TMPRSS11F: variants seen among roughly 807,000 people sequenced by gnomAD.
TMPRSS11F encodes the protein transmembrane serine protease 11F.
In TMPRSS11F, 47 loss-of-function variants were observed where a neutral mutation model predicts 60.2. The ratio of observed to expected loss-of-function variants is 0.78; its 90% CI spans 0.62 to 1.00. The LOEUF (loss-of-function observed/expected upper bound fraction) is 1.00, where lower values mean the gene tolerates loss of function less well. TMPRSS11F is among the 50% of genes least tolerant of loss of function. TMPRSS11F has a pLI of 0.00. For missense variants in TMPRSS11F, 519 were observed against 522.9 expected (o/e 0.99, Z 0.07); for synonymous variants, 166 against 167.3 (o/e 0.99, Z 0.06).
At chr4:68,062,701 C>T (rs374948629) in intron 8 of TMPRSS11F, 48 of 747,318 alleles carry the variant, frequency 6.4e-5, no homozygotes, top group Admixed American at 6.4e-4. Flanking sequence ...ACACAGACAG[C>T]ATGAGTGTCA....
intron 2 of TMPRSS11F, among the ~76,000 whole-genome samples, chr4:68,098,246 A>G (rs1267683339): frequency 1.3e-5 from 2 of 152,158 alleles, no homozygotes; most frequent in African/African-American, 4.8e-5. Flanking sequence ...TGGAGGTTGC[A>G]ATGAGCCGGG....
At chr4:68,090,719 C>T in intron 2 of TMPRSS11F, 78 bp from the exon 3 acceptor site, 1 of 1,519,720 alleles carries the variant, frequency 6.6e-7, no homozygotes, top group Non-Finnish European at 8.8e-7. Flanking sequence ...CCCACACCTG[C>T]TAAATAGGCT....
chr4:68,102,320 C>T (rs1724210035), intron 1 of TMPRSS11F, among the ~76,000 whole-genome samples: 9 of 152,114 alleles, frequency 5.9e-5, no homozygotes, highest in Admixed American at 5.9e-4. Context: ...ATTTCATTTC[C>T]TTTGAGTATA....
At chr4:68,124,356 T>A (rs1724676758) in intron 1 of TMPRSS11F, among the ~76,000 whole-genome samples, 1 of 151,908 alleles carries the variant, frequency 6.6e-6, no homozygotes, top group South Asian at 2.1e-4. Flanking sequence ...TACAAAAATT[T>A]AGCTGTGCGT....
intron 1 of TMPRSS11F, among the ~76,000 whole-genome samples, chr4:68,124,211 ACT>A (rs1724673450): frequency 8.2e-6 from 1 of 122,240 alleles, no homozygotes; most frequent in Non-Finnish European, 1.6e-5. Flanking sequence ...ACAGAGTGAG[ACT>A]CTGTCTTAAA....
At chr4:68,102,529 G>A (rs1372034398) in intron 1 of TMPRSS11F, among the ~76,000 whole-genome samples, 1 of 152,072 alleles carries the variant, frequency 6.6e-6, no homozygotes, top group East Asian at 1.9e-4. Context: ...GTGTGAGGTG[G>A]TATCTCATGT....
intron 3 of TMPRSS11F, chr4:68,077,721 T>A (rs1213475753): frequency 6.6e-6 from 1 of 152,230 alleles, no homozygotes; most frequent in African/African-American, 2.4e-5. Flanking sequence ...GTAACTGAAG[T>A]ACCAGTACGA....
At chr4:68,061,009 C>T (rs1480457724) in intron 8 of TMPRSS11F, among the ~76,000 whole-genome samples, 1 of 151,202 alleles carries the variant, frequency 6.6e-6, no homozygotes, top group Admixed American at 6.6e-5. Context: ...TCTATTTGAA[C>T]TAGAAATGAG....
chr4:68,107,905 C>G (rs962732964), intron 1 of TMPRSS11F, among the ~76,000 whole-genome samples: 1 of 152,048 alleles, frequency 6.6e-6, no homozygotes, highest in Admixed American at 6.5e-5. Context: ...CCGCTGCACT[C>G]CAGCCTGGAG....
chr4:68,058,193 T>A (rs922457431), intron 9 of TMPRSS11F, among the ~76,000 whole-genome samples: 2 of 152,208 alleles, frequency 1.3e-5, no homozygotes, highest in East Asian at 3.8e-4. Context: ...TACTGTATTA[T>A]AGATTTCAAA....
chr4:68,061,834 C>G (rs1723182864), intron 8 of TMPRSS11F: 2 of 433,694 alleles, frequency 4.6e-6, no homozygotes, highest in Non-Finnish European at 9.1e-6. Flanking sequence ...TTGCAAGGGA[C>G]CAGCACAGTG....
chr4:68,078,572 C>T (rs940409782), intron 3 of TMPRSS11F, among the ~76,000 whole-genome samples: 2 of 152,136 alleles, frequency 1.3e-5, no homozygotes, highest in African/African-American at 4.8e-5. Flanking sequence ...AACACACAAG[C>T]CATGTTTGAC....
intron 3 of TMPRSS11F, among the ~76,000 whole-genome samples, chr4:68,083,176 C>T (rs948497550): frequency 6.6e-6 from 1 of 152,190 alleles, no homozygotes; most frequent in Non-Finnish European, 1.5e-5. Flanking sequence ...ACCCCACAAC[C>T]TGCTCTGACT....
chr4:68,092,766 A>G (rs940475880), intron 2 of TMPRSS11F, among the ~76,000 whole-genome samples: 2 of 152,184 alleles, frequency 1.3e-5, no homozygotes, highest in Non-Finnish European at 2.9e-5. Context: ...TGACACAGCT[A>G]TTCTATTCAT....
intron 3 of TMPRSS11F, among the ~76,000 whole-genome samples, chr4:68,085,573 A>G (rs907223700): frequency 5.9e-5 from 9 of 152,224 alleles, no homozygotes; most frequent in Non-Finnish European, 1.3e-4. Flanking sequence ...TCATATATCA[A>G]CACTAACTTA....
intron 1 of TMPRSS11F, among the ~76,000 whole-genome samples, chr4:68,103,779 A>T (rs1197538214): frequency 6.6e-6 from 1 of 152,116 alleles, no homozygotes; most frequent in East Asian, 1.9e-4. Context: ...AGTAATTCTG[A>T]TTCAGAACAT....
At chr4:68,100,949 GA>G (rs1258687337) in intron 1 of TMPRSS11F, among the ~76,000 whole-genome samples, 1 of 152,116 alleles carries the variant, frequency 6.6e-6, no homozygotes, top group Non-Finnish European at 1.5e-5. Context: ...TGTAGCTTGT[GA>G]ATATTATGGC....
chr4:68,063,236 T>C, intron 8 of TMPRSS11F: 1 of 576,922 alleles, frequency 1.7e-6, no homozygotes, highest in Non-Finnish European at 3.4e-6. Flanking sequence ...GTTCATGTAC[T>C]CCACAGGTTC....
chr4:68,104,324 G>A (rs534396773), intron 1 of TMPRSS11F, among the ~76,000 whole-genome samples: 1 of 152,180 alleles, frequency 6.6e-6, no homozygotes, highest in South Asian at 2.1e-4. Flanking sequence ...GATGTGGTTT[G>A]GCTGTGTCCC....
Sources: gnomAD v4.1 joint callset for allele counts (sites outside exome capture counted in the v4.1 genomes callset) on GRCh38, gnomAD v4.1.1 for gene constraint, MANE v1.5 for transcripts, NCBI Gene and HGNC (gene_info 2026-07-23, HGNC 2026-07-21) for gene names.